Variants in MIB1 observed in about 807,000 individuals in gnomAD.
MIB1 encodes the protein MIB E3 ubiquitin protein ligase 1.
In MIB1, 278 loss-of-function variants were observed where a neutral mutation model predicts 124.5. The ratio of observed to expected loss-of-function variants is 2.23; its 90% confidence interval spans 2.02 to 2.47. MIB1 has a LOEUF of 2.47. Ranked by LOEUF, MIB1 falls within the 30% of genes most tolerant of loss-of-function variation. The pLI is 0.00. For missense variants in MIB1, 957 were observed against 1,254.4 expected, an observed-to-expected ratio of 0.76 and a Z score of 3.58; for synonymous variants, 446 against 429.4, an observed-to-expected ratio of 1.04 and a Z score of -0.48.
chr18:21,863,036 G>A (rs932252802), intron 20 of MIB1, among the ~76,000 whole-genome samples: 1 of 152,180 alleles, frequency 6.6e-6, no homozygotes, highest in Non-Finnish European at 1.5e-5. Flanking sequence ...CTGGAGAGCA[G>A]TTGATGCAGG....
intron 15 of MIB1, among the ~76,000 whole-genome samples, chr18:21,845,805 A>G (rs1370541663): frequency 6.6e-6 from 1 of 151,872 alleles, no homozygotes; most frequent in Non-Finnish European, 1.5e-5. Context: ...TTGTATTTTT[A>G]GTAGAGACAA....
At chr18:21,733,843 T>C (rs570259185) in intron 1 of MIB1, among the ~76,000 whole-genome samples, 1 of 151,860 alleles carries the variant, frequency 6.6e-6, no homozygotes, top group South Asian at 2.1e-4. Context: ...GTAGCTGGGA[T>C]TATAGGCATG....
intron 19 of MIB1, 124 bp from the exon 20 acceptor site, chr18:21,858,422 T>A (rs2042246305): frequency 7.3e-6 from 4 of 545,494 alleles, no homozygotes; most frequent in Non-Finnish European, 6.5e-6. Flanking sequence ...GTGAGAAAAA[T>A]TTTTGAAGAG....
At position 21,815,014 on chromosome 18, in the gene MIB1, TATATA is replaced by T. The variant is rs1568212899; in HGVS notation, c.1480-601_1480-597del. Among the ~76,000 whole-genome samples, 53 of 11,586 alleles carry T rather than the reference TATATA, an allele frequency of 4.6e-3. 1 individual carries two copies. The East Asian group carries it at 0.067, about 15-fold the overall frequency. The allele number at this position is 11,586 out of a possible 152,430, so 7.6% of individuals were successfully genotyped here. On this transcript the variant is annotated intron_variant, in intron 10 of 20. Transcript: ENST00000261537. ...CTGAAAGTTCAAGCTGTTGGTTTTA[TATATA>T]TATATATATATATATATATATATAT...
intron 1 of MIB1, among the ~76,000 whole-genome samples, chr18:21,746,808 G>A (rs2040917425): frequency 6.6e-6 from 1 of 152,108 alleles, no homozygotes. Flanking sequence ...TGTTTTGGGG[G>A]TAGTTCTTTG....
chr18:21,788,129 G>T (rs967377637), intron 6 of MIB1, among the ~76,000 whole-genome samples: 1 of 151,974 alleles, frequency 6.6e-6, no homozygotes, highest in African/African-American at 2.4e-5. Context: ...TTTCTTGGAG[G>T]CTAGGGATGT....
intron 7 of MIB1, among the ~76,000 whole-genome samples, chr18:21,795,284 TA>T (rs2041560283): frequency 7.1e-6 from 1 of 141,580 alleles, no homozygotes; most frequent in African/African-American, 2.7e-5. Flanking sequence ...TATAAATATA[TA>T]TGTATATATA....
intron 4 of MIB1, among the ~76,000 whole-genome samples, chr18:21,776,246 G>A (rs1265033844): frequency 7.5e-5 from 11 of 147,572 alleles, no homozygotes. Flanking sequence ...TCCAGCCTGG[G>A]CAACAGAGAG....
At chr18:21,736,743 G>A (rs529324687), upstream of MIB1, among the ~76,000 whole-genome samples, 8 of 152,238 alleles carry the variant, frequency 5.3e-5, no homozygotes, top group Non-Finnish European at 7.3e-5. Flanking sequence ...TAGCTGAATC[G>A]ATCAAGTGGA....
chr18:21,829,139 G>A (rs989536233), intron 12 of MIB1: 16 of 423,428 alleles, frequency 3.8e-5, no homozygotes, highest in African/African-American at 3.5e-4. Context: ...TTTCTTATTT[G>A]TTAGTGAAAC....
Position 21,720,608 on chromosome 18 carries a change from C to T in MIB1, n.167+15485C>T, listed in dbSNP as rs1338565691. Among the ~76,000 whole-genome samples the T allele has an allele frequency of 2.6e-5, 4 of 151,884 alleles. 1 individual carries two copies. The Middle Eastern group carries it at 0.01, about 387-fold the overall frequency. On this transcript the variant is annotated intron_variant and non_coding_transcript_variant, in intron 1 of 20. Coordinates refer to the MIB1 transcript ENST00000578646. ...CAAACAGAAGAAAAAAATGGAATTA[C>T]CTGAGACAATCAGAGAAATGTGAAG...
intron 4 of MIB1, among the ~76,000 whole-genome samples, chr18:21,775,338 C>T (rs144659681): frequency 6.6e-6 from 1 of 152,296 alleles, no homozygotes; most frequent in Non-Finnish European, 1.5e-5. Context: ...CTCCTGGGCT[C>T]AAACAAACCT....
intron 1 of MIB1, among the ~76,000 whole-genome samples, chr18:21,760,284 C>T (rs1440410700): frequency 6.6e-6 from 1 of 152,188 alleles, no homozygotes; most frequent in African/African-American, 2.4e-5. Flanking sequence ...AAAAAAGCTA[C>T]CACTGTACAG....
chr18:21,707,270 G>C (rs1030214819), intron 1 of MIB1, among the ~76,000 whole-genome samples: 23 of 152,160 alleles, frequency 1.5e-4, no homozygotes, highest in Admixed American at 4.6e-4. Context: ...GAGAAATTTT[G>C]TGTCTAGCTC....
chr18:21,764,200 G>A (rs2041130270), intron 1 of MIB1, among the ~76,000 whole-genome samples: 1 of 152,036 alleles, frequency 6.6e-6, no homozygotes, highest in Admixed American at 6.6e-5. Flanking sequence ...TAGTCCACTA[G>A]GTATCCCAGT....
At chr18:21,708,336 A>C (rs1391836868) in intron 1 of MIB1, among the ~76,000 whole-genome samples, 1 of 152,218 alleles carries the variant, frequency 6.6e-6, no homozygotes, top group Non-Finnish European at 1.5e-5. Flanking sequence ...TCCTGTTAGA[A>C]AAACATTCTC....
chr18:21,825,148 C>G lies in MIB1; in HGVS notation c.1829+5502C>G, dbSNP rs535354028. Among the ~76,000 whole-genome samples, 40 of 152,210 alleles carry G rather than the reference C, an allele frequency of 2.6e-4. No individual in the cohort carries two copies. In the South Asian group the frequency reaches 7.7e-3, roughly 29 times the overall value. ...TAGATAACTGTTTTAAGCCTCTCCA[C>G]AAGATATTCTACAGTTATCATCTTT... is the stretch of plus-strand genomic sequence containing the variant. On this transcript the variant is annotated intron_variant, in intron 12 of 20. Coordinates refer to ENST00000261537, the MANE Select transcript of MIB1 (RefSeq NM_020774.4).
rs1490724019 is a variant in MIB1 at position 21,791,460 on chromosome 18, A to C, written c.995A>C (p.Gln332Pro). 1 of 1,614,038 alleles carries C rather than the reference A, an allele frequency of 6.2e-7. No homozygotes were observed. Among genetic ancestry groups the C allele is most frequent in the Non-Finnish European group, 8.5e-7 (1 of 1,179,998 alleles). Residue 332 changes from glutamine (Q) to proline (P), a missense_variant, in exon 7 of 21, where the codon CAG (glutamine) becomes CCG (proline). Physicochemically the swap from Gln to Pro is moderately conservative, Grantham distance 76. Coordinates refer to ENST00000261537, the MANE Select transcript of MIB1 (RefSeq NM_020774.4). ...AAQGAEGGTS[Q>P]FQVGDLVQVC... ...CAGGGTGCAGAAGGAGGCACCTCGC[A>C]GTTTCAAGTGGGTGATCTTGTACAA... is the stretch of plus-strand genomic sequence containing the variant.
Position 21,778,170 on chromosome 18 carries a change from G to GT in MIB1, c.703+2dup. On this transcript the variant is annotated splice_donor_variant, in intron 5 of 20. Coordinates refer to ENST00000261537, the MANE Select transcript of MIB1 (RefSeq NM_020774.4). LOFTEE classifies it high-confidence loss of function. ...TACAGAGATCACTGCCCTGTGCTAGGTGAGTGAGAAGATTAGAGAGTATTA... is the reference window on the plus strand; with the variant it reads ...TACAGAGATCACTGCCCTGTGCTAGGTTGAGTGAGAAGATTAGAGAGTATTA... 6.3e-7 allele frequency: 1 copy of GT among 1,594,720 alleles called. No homozygotes were observed. Among genetic ancestry groups the GT allele is most frequent in the Non-Finnish European group, 8.6e-7 (1 of 1,162,950 alleles).
Sources: allele counts gnomAD v4.1 joint callset (sites outside exome capture counted in the v4.1 genomes callset), GRCh38; gene constraint gnomAD v4.1.1; transcripts MANE v1.5; gene names NCBI Gene and HGNC (gene_info 2026-07-23, HGNC 2026-07-21).